TAF15: variants seen among roughly 807,000 people sequenced by gnomAD.
TAF15 encodes the protein TATA-box binding protein associated factor 15, also known as TATA-binding protein-associated factor 2N.
TAF15 carries 37 observed loss-of-function variants against 102.5 expected under a neutral mutation model. The ratio of observed to expected loss-of-function variants is 0.36; its 90% confidence interval spans 0.28 to 0.47. TAF15 has a LOEUF of 0.47. Among genes scored for constraint, TAF15 ranks in the 20% least tolerant of loss-of-function variants. The pLI is 0.99. For missense variants in TAF15, 652 were observed against 760.7 expected, an observed-to-expected ratio of 0.86 and a Z score of 1.68; for synonymous variants, 273 against 259.2, an observed-to-expected ratio of 1.05 and a Z score of -0.51.
chr17:35,842,267 T>C, intron 11 of TAF15, 100 bp from the exon 12 acceptor site: 1 of 845,774 alleles, frequency 1.2e-6, no homozygotes, highest in Non-Finnish European at 2.0e-6. Flanking sequence ...GACATGTCAG[T>C]TACTCCTCTG....
At position 35,842,407 on chromosome 17, in the gene TAF15, C is replaced by T. The variant is rs773809322; in HGVS notation, c.954C>T (p.Ala318=). 3.7e-6 allele frequency: 6 copies of T among 1,614,030 alleles called. No homozygotes were observed. Among genetic ancestry groups the T allele is most frequent in the Non-Finnish European group, 4.2e-6 (5 of 1,179,994 alleles). Reference sequence around the variant, plus strand: ...GCAACATCATTAAAGTGTCCTTTGCCACTAGAAGACCTGAATTCATGAGAG... The same window carrying T: ...GCAACATCATTAAAGTGTCCTTTGCTACTAGAAGACCTGAATTCATGAGAG... ...FHGNIIKVSF[A]TRRPEFMRGG... Residue 318 remains alanine, a synonymous_variant, in exon 12 of 16, where the codon GCC becomes GCT. Coordinates refer to ENST00000605844, the MANE Select transcript of TAF15 (RefSeq NM_139215.3).
intron 15 of TAF15, among the ~76,000 whole-genome samples, chr17:35,846,198 A>T (rs534745382): frequency 6.6e-6 from 1 of 152,226 alleles, no homozygotes; most frequent in South Asian, 2.1e-4. Flanking sequence ...CTGGGTTTCA[A>T]TCCTAACTCT....
chr17:35,836,178 A>C lies in TAF15; in HGVS notation c.720A>C (p.Gly240=), dbSNP rs774100213. 17 of 1,613,750 alleles carry C rather than the reference A, an allele frequency of 1.1e-5. No individual in the cohort carries two copies. The highest frequency in any genetic ancestry group is 8.5e-7 in the Non-Finnish European group (1 of 1,179,852). ...NSDNNTIFVQ[G]LGEGVSTDQV... is the part of the protein sequence containing the mutation. ...ATAACAACACAATCTTTGTGCAAGG[A>C]CTTGGGGAGGGTGTGTCTACAGATC... is the stretch of plus-strand genomic sequence containing the variant. The change falls in exon 10 of 16, where the codon GGA becomes GGC. Residue 240 remains glycine (G), a synonymous_variant. Coordinates refer to ENST00000605844, the MANE Select transcript of TAF15 (RefSeq NM_139215.3).
intron 7 of TAF15, among the ~76,000 whole-genome samples, chr17:35,825,271 A>G (rs931316428): frequency 5.9e-5 from 9 of 152,260 alleles, no homozygotes; most frequent in African/African-American, 1.9e-4. Flanking sequence ...GAAAAATGTT[A>G]TAAGACTTGG....
intron 1 of TAF15, among the ~76,000 whole-genome samples, chr17:35,812,404 T>A (rs2087134940): frequency 6.6e-6 from 1 of 151,468 alleles, no homozygotes; most frequent in Non-Finnish European, 1.5e-5. Flanking sequence ...CGAGACCAGC[T>A]TGACCAACCT....
Position 35,812,238 on chromosome 17 carries a change from A to G in TAF15, c.7+2662A>G, listed in dbSNP as rs537229838. 1.2e-4 allele frequency among the ~76,000 whole-genome samples: 18 copies of G among 152,318 alleles called. No individual in the cohort carries two copies. In the South Asian group the frequency reaches 3.7e-3, roughly 32 times the overall value. On this transcript the variant is annotated intron_variant, in intron 1 of 15. Coordinates refer to ENST00000605844, the MANE Select transcript of TAF15 (RefSeq NM_139215.3). ...AACATGGACGTTTAGGCTCCAGGAA[A>G]CTTTAAGACAAATTAACGTAAAAAT...
chr17:35,844,066 C>T lies in TAF15; in HGVS notation c.1007-11C>T. On this transcript the variant is annotated splice_polypyrimidine_tract_variant and intron_variant, in intron 12 of 15. Coordinates refer to ENST00000605844, the MANE Select transcript of TAF15 (RefSeq NM_139215.3). Reference sequence around the variant, plus strand: ...GCTGCTGATTTTTCTCCCCTGGCCCCATCCCCCTAGGCCGTGGAGGATATA... The same window carrying T: ...GCTGCTGATTTTTCTCCCCTGGCCCTATCCCCCTAGGCCGTGGAGGATATA... 1 of 1,613,622 alleles carries T rather than the reference C, an allele frequency of 6.2e-7. No individual in the cohort carries two copies. Among genetic ancestry groups the T allele is most frequent in the Non-Finnish European group, 8.5e-7 (1 of 1,179,546 alleles).
rs1395564709 is a variant in TAF15, at chr17:35,809,527, G to T, written c.-43G>T. ...GCGCCGCCTGGCTTTCGTATTCGTT[G>T]TTCTCGGCGGGCTGTGGGGCCTCCG... On this transcript the variant is annotated 5_prime_UTR_variant, in exon 1 of 16. Transcript: ENST00000605844. 1.1e-5 allele frequency: 18 copies of T among 1,612,516 alleles called. No homozygotes were observed. The highest frequency in any genetic ancestry group is 1.4e-5 in the Non-Finnish European group (16 of 1,179,732).
intron 11 of TAF15, 135 bp downstream of exon 11, chr17:35,838,688 T>C: frequency 7.8e-7 from 1 of 1,276,600 alleles, no homozygotes; most frequent in Non-Finnish European, 1.1e-6. Context: ...GGTCAGAATT[T>C]TTATGTACCT....
intron 7 of TAF15, chr17:35,833,452 C>T (rs2087431610): frequency 6.4e-6 from 1 of 156,106 alleles, no homozygotes; most frequent in South Asian, 1.9e-4. Flanking sequence ...GGTATCATAG[C>T]AGATCCTAAT....
Position 35,822,292 on chromosome 17 carries a change from G to A in TAF15, c.291-348G>A, listed in dbSNP as rs969873441. On this transcript the variant is annotated intron_variant, in intron 5 of 15. Transcript: ENST00000605844. ...TGAGGTGGAGGTTGCGGTGAGCCAC[G>A]ATCGCGCCATTGCACTCCAGCAGCC... is the stretch of plus-strand genomic sequence containing the variant. Among the ~76,000 whole-genome samples the A allele has an allele frequency of 4.7e-5, 7 of 148,156 alleles. No individual in the cohort carries two copies. The East Asian group carries it at 6.0e-4, about 13-fold the overall frequency.
chr17:35,810,006 C>G (rs1471713760), intron 1 of TAF15: 2 of 312,670 alleles, frequency 6.4e-6, no homozygotes, highest in African/African-American at 4.3e-5. Flanking sequence ...CCGCCTCGTA[C>G]CTCAGTTTTC....
At chr17:35,831,114 C>T (rs2087399312) in intron 7 of TAF15, among the ~76,000 whole-genome samples, 1 of 152,092 alleles carries the variant, frequency 6.6e-6, no homozygotes, top group African/African-American at 2.4e-5. Context: ...GTAAAGATGA[C>T]GTTCAAGGCC....
At chr17:35,831,056 G>A (rs1226718343) in intron 7 of TAF15, among the ~76,000 whole-genome samples, 2 of 152,038 alleles carry the variant, frequency 1.3e-5, no homozygotes, top group African/African-American at 4.8e-5. Flanking sequence ...CAAATTTATG[G>A]CCATGTGTTG....
chr17:35,846,775 A>G, intron 15 of TAF15, 131 bp from the exon 16 acceptor site: 1 of 916,104 alleles, frequency 1.1e-6, no homozygotes, highest in South Asian at 1.4e-5. Flanking sequence ...GTACAGAAAT[A>G]AATGAGGCAT....
At chr17:35,844,193 TTG>T in intron 13 of TAF15, 35 bp downstream of exon 13, 1 of 1,611,804 alleles carries the variant, frequency 6.2e-7, no homozygotes, top group East Asian at 2.2e-5. Flanking sequence ...AGAGTAGGGG[TTG>T]GGATTGGGGC....
chr17:35,834,015 T>C, intron 8 of TAF15, 74 bp downstream of exon 8: 1 of 1,543,498 alleles, frequency 6.5e-7, no homozygotes, highest in Non-Finnish European at 8.9e-7. Context: ...ATCCCGCAGA[T>C]GTAGTCAAAA....
chr17:35,831,332 A>G (rs918856423), intron 7 of TAF15, among the ~76,000 whole-genome samples: 11 of 151,300 alleles, frequency 7.3e-5, no homozygotes, highest in Non-Finnish European at 7.4e-5. Flanking sequence ...GCGGGAACCC[A>G]GGAGGCGGAG....
chr17:35,838,800 G>T (rs2087506376), intron 11 of TAF15, among the ~76,000 whole-genome samples: 1 of 152,146 alleles, frequency 6.6e-6, no homozygotes, highest in South Asian at 2.1e-4. Context: ...AGTTGGCCTG[G>T]TTGACAGTAT....
Sources: gnomAD v4.1 joint callset for allele counts (sites outside exome capture counted in the v4.1 genomes callset) on GRCh38, gnomAD v4.1.1 for gene constraint, MANE v1.5 for transcripts, NCBI Gene and HGNC (gene_info 2026-07-23, HGNC 2026-07-21) for gene names.